ESYT2: variants seen among roughly 807,000 people sequenced by gnomAD.
ESYT2 encodes extended synaptotagmin-2.
Under a neutral mutation model 107.2 loss-of-function variants are expected in ESYT2, and 54 were observed. That is an observed-to-expected ratio of 0.50 (90% CI 0.40 to 0.63). The LOEUF (loss-of-function observed/expected upper bound fraction) is 0.63, where lower values mean the gene tolerates loss of function less well. ESYT2 is among the 30% of genes least tolerant of loss of function. The probability of loss-of-function intolerance (pLI) is 0.00; values close to 1 mark genes in which losing one functional copy is unlikely to be tolerated. For missense variants in ESYT2, 1,020 were observed against 1,094.5 expected (o/e 0.93, Z 0.96); for synonymous variants, 491 against 434.1 (o/e 1.13, Z -1.63).
At chr7:158,790,392 C>T (rs568748085) in intron 4 of ESYT2, among the ~76,000 whole-genome samples, 3 of 152,260 alleles carry the variant, frequency 2.0e-5, no homozygotes, top group East Asian at 3.9e-4. Flanking sequence ...CCACACACAG[C>T]GTGTTGTGAG....
At chr7:158,746,774 T>C (rs1277897827) in intron 16 of ESYT2, among the ~76,000 whole-genome samples, 1 of 152,160 alleles carries the variant, frequency 6.6e-6, no homozygotes, top group African/African-American at 2.4e-5. Context: ...GGCTCACAAC[T>C]GCAATCCCAG....
chr7:158,738,402 T>C (rs1440386196), intron 19 of ESYT2, among the ~76,000 whole-genome samples: 2 of 151,114 alleles, frequency 1.3e-5, no homozygotes, highest in South Asian at 2.1e-4. Context: ...GGCTACACAT[T>C]TGTACAGTAT....
At chr7:158,820,652 G>A (rs1373971357) in intron 1 of ESYT2, among the ~76,000 whole-genome samples, 1 of 152,148 alleles carries the variant, frequency 6.6e-6, no homozygotes, top group Non-Finnish European at 1.5e-5. Flanking sequence ...GAGACGTGGT[G>A]GCGCATGCCT....
chr7:158,794,798 CCTTTA>C (rs1839412778), intron 3 of ESYT2, among the ~76,000 whole-genome samples: 1 of 152,124 alleles, frequency 6.6e-6, no homozygotes, highest in African/African-American at 2.4e-5. Flanking sequence ...AAGCACTTTA[CCTTTA>C]GAGTACTACT....
intron 1 of ESYT2, among the ~76,000 whole-genome samples, chr7:158,806,098 C>G (rs907074664): frequency 1.3e-5 from 2 of 151,632 alleles, no homozygotes; most frequent in African/African-American, 4.9e-5. Flanking sequence ...CGGGGCACAC[C>G]GCGTGGGAGG....
At chr7:158,781,702 TG>T (rs1838824665) in intron 6 of ESYT2, among the ~76,000 whole-genome samples, 1 of 146,768 alleles carries the variant, frequency 6.8e-6, no homozygotes, top group African/African-American at 2.6e-5. Context: ...GTGTCAGAGG[TG>T]GGAGTGTAAG....
intron 6 of ESYT2, among the ~76,000 whole-genome samples, chr7:158,782,933 T>C (rs79264541): frequency 0.015 from 2,231 of 152,294 alleles, 145 homozygotes; most frequent in East Asian, 0.12. Flanking sequence ...GAGGTCCACA[T>C]GAGGGCACCG....
At chr7:158,784,471 G>C (rs1839039832) in intron 6 of ESYT2, among the ~76,000 whole-genome samples, 1 of 152,184 alleles carries the variant, frequency 6.6e-6, no homozygotes, top group Non-Finnish European at 1.5e-5. Context: ...GGCCAAGGAT[G>C]CAGGAAGACG....
chr7:158,782,542 A>AGAAT (rs372174683), intron 6 of ESYT2, among the ~76,000 whole-genome samples: 2 of 150,336 alleles, frequency 1.3e-5, no homozygotes, highest in Non-Finnish European at 3.0e-5. Context: ...TAAGAAAATG[A>AGAAT]GTGTGAGAAG....
intron 18 of ESYT2, 71 bp from the exon 19 acceptor site, chr7:158,739,192 T>A: frequency 7.8e-7 from 1 of 1,279,166 alleles, no homozygotes; most frequent in Non-Finnish European, 1.1e-6. Flanking sequence ...TGGTCCACTG[T>A]ACACGATAAA....
intron 6 of ESYT2, among the ~76,000 whole-genome samples, chr7:158,774,307 AAAC>A (rs1339904750): frequency 6.6e-6 from 1 of 152,208 alleles, no homozygotes; most frequent in African/African-American, 2.4e-5. Flanking sequence ...AACAAACAAA[AAAC>A]AATTTTTAAG....
chr7:158,754,189 T>C (rs1211214092), intron 13 of ESYT2, among the ~76,000 whole-genome samples: 3 of 151,868 alleles, frequency 2.0e-5, no homozygotes, highest in African/African-American at 7.3e-5. Context: ...ACCTGTGTTT[T>C]TTGTTTTGTT....
At chr7:158,808,155 C>T (rs898313537) in intron 1 of ESYT2, among the ~76,000 whole-genome samples, 19 of 152,354 alleles carry the variant, frequency 1.2e-4, no homozygotes, top group East Asian at 1.9e-4. Context: ...CCCTACTTAT[C>T]GGCAGTTCCA....
intron 16 of ESYT2, among the ~76,000 whole-genome samples, chr7:158,744,908 T>C (rs1358580010): frequency 6.6e-6 from 1 of 152,200 alleles, no homozygotes; most frequent in Non-Finnish European, 1.5e-5. Flanking sequence ...ACTATGACAA[T>C]GTTTGTGGAA....
At position 158,759,533 on chromosome 7, in the gene ESYT2, A is replaced by G. The variant is rs1285823582; in HGVS notation, c.1372T>C (p.Ser458Pro). 3.1e-6 allele frequency: 5 copies of G among 1,612,662 alleles called. No homozygotes were observed. The South Asian group carries it at 4.4e-5, about 14-fold the overall frequency. ...AAGTACAAGATCAGCAATGCAGAGG[A>G]AAGACCATCGTTGGCTTGGTCTTTG... ...ADKDQANDGL[S>P]SALLILYLDS... Residue 458 changes from serine (S) to proline (P), a missense_variant, in exon 13 of 23, where the codon TCC (serine) becomes CCC (proline). Transcript: ENST00000275418.
intron 12 of ESYT2, 65 bp from the exon 13 acceptor site, chr7:158,759,646 G>A: frequency 1.2e-5 from 15 of 1,279,298 alleles, no homozygotes; most frequent in Non-Finnish European, 1.4e-5. Flanking sequence ...ATTTCTATCT[G>A]ATTGTATCAT....
intron 1 of ESYT2, among the ~76,000 whole-genome samples, chr7:158,810,715 A>C (rs1328610995): frequency 1.3e-5 from 2 of 152,024 alleles, no homozygotes; most frequent in Non-Finnish European, 2.9e-5. Flanking sequence ...CATAAAGACT[A>C]CATGTTATAA....
In ESYT2 at chr7:158,793,739, G is replaced by A. The variant is rs769270046; in HGVS notation, c.508-13C>T. 1.2e-6 allele frequency: 2 copies of A among 1,603,938 alleles called. No individual in the cohort carries two copies. The highest frequency in any genetic ancestry group is 1.7e-6 in the Non-Finnish European group (2 of 1,173,138). On this transcript the variant is annotated splice_polypyrimidine_tract_variant and intron_variant, in intron 3 of 22. Transcript: ENST00000275418. ...TGATCCTGAGGGGCTGAAATAAGAA[G>A]TAGCTTATTTTAAGATACAGAGGTT...
intron 1 of ESYT2, among the ~76,000 whole-genome samples, chr7:158,802,208 T>C (rs1253370266): frequency 1.3e-5 from 2 of 152,236 alleles, no homozygotes; most frequent in Admixed American, 1.3e-4. Flanking sequence ...TCAAACAACA[T>C]TCCCCTTGAA....
Sources: allele counts gnomAD v4.1 joint callset (sites outside exome capture counted in the v4.1 genomes callset), GRCh38; gene constraint gnomAD v4.1.1; transcripts MANE v1.5; gene names NCBI Gene and HGNC (gene_info 2026-07-23, HGNC 2026-07-21).